CPQ: variants seen among roughly 807,000 people sequenced by gnomAD.
The protein encoded by CPQ is carboxypeptidase Q.
CPQ carries 37 observed loss-of-function variants against 45.7 expected under a neutral mutation model. The observed-to-expected ratio is 0.81, with a 90% CI of 0.62 to 1.07. The LOEUF (loss-of-function observed/expected upper bound fraction) is 1.07. Ranked by LOEUF, CPQ falls within the 50% of genes least tolerant of loss-of-function variation. The probability of loss-of-function intolerance (pLI) is 0.00; values close to 1 mark genes in which losing one functional copy is unlikely to be tolerated. For missense variants in CPQ, 537 were observed against 572.9 expected (o/e 0.94, Z 0.64); for synonymous variants, 186 against 205.8 (o/e 0.90, Z 0.82).
In CPQ at chr8:97,123,182, A is replaced by T. The variant is rs866110105; in HGVS notation, c.1256-19838A>T. On this transcript the variant is annotated intron_variant, in intron 7 of 7. Transcript: ENST00000220763. ...TAAAATAAAATAAAATAAAATATAA[A>T]ATAAAATAAAATAAAATAAAATAAA... Among the ~76,000 whole-genome samples, 357 of 120,752 alleles carry T rather than the reference A, an allele frequency of 3.0e-3. 25 individuals are homozygous for T. The highest frequency in any genetic ancestry group is 0.011 in the African/African-American group (330 of 29,898). The allele number at this position is 120,752 out of a possible 152,430, so 79.2% of individuals were successfully genotyped here.
intron 7 of CPQ, among the ~76,000 whole-genome samples, chr8:97,126,717 TTAAA>T (rs1226586904): frequency 6.6e-6 from 1 of 152,098 alleles, no homozygotes; most frequent in Non-Finnish European, 1.5e-5. Context: ...TTAAGCAGAC[TTAAA>T]TAAATGAAAG....
intron 4 of CPQ, among the ~76,000 whole-genome samples, chr8:96,892,525 G>T (rs888244145): frequency 6.6e-6 from 1 of 152,088 alleles, no homozygotes; most frequent in Admixed American, 6.5e-5. Flanking sequence ...AGTTTCAGGG[G>T]GGTGGGGTTA....
intron 7 of CPQ, among the ~76,000 whole-genome samples, chr8:97,072,739 C>T (rs1462884383): frequency 6.6e-6 from 1 of 152,162 alleles, no homozygotes; most frequent in East Asian, 1.9e-4. Context: ...CATGATGCAG[C>T]TCCTTGTTCT....
chr8:96,682,068 G>A (rs1421799277), intron 1 of CPQ, among the ~76,000 whole-genome samples: 1 of 152,178 alleles, frequency 6.6e-6, no homozygotes, highest in Non-Finnish European at 1.5e-5. Flanking sequence ...TTGGACTATG[G>A]AATTTTGGGT....
intron 4 of CPQ, among the ~76,000 whole-genome samples, chr8:96,923,040 C>G (rs1238561417): frequency 6.6e-6 from 1 of 152,136 alleles, no homozygotes; most frequent in East Asian, 1.9e-4. Flanking sequence ...AACATTGACC[C>G]ATCCCCTCAG....
At chr8:96,945,603 C>T (rs775997111) in intron 4 of CPQ, among the ~76,000 whole-genome samples, 3 of 151,926 alleles carry the variant, frequency 2.0e-5, no homozygotes, top group African/African-American at 4.8e-5. Flanking sequence ...TGCCTAGGAG[C>T]GTGGTTATTT....
rs1255172219 is a variant in CPQ, at chr8:96,766,160, TG to T, written c.-34-18703del. ...ACATTTACTGGTTGCTTTTGAGGATTGAATCAGATGAGATATAGAAAAGCCC... is the reference window on the plus strand; with the variant it reads ...ACATTTACTGGTTGCTTTTGAGGATTAATCAGATGAGATATAGAAAAGCCC... On this transcript the variant is annotated intron_variant, in intron 1 of 7. Transcript: ENST00000220763. Among the ~76,000 whole-genome samples, 23 of 152,318 alleles carry T rather than the reference TG, an allele frequency of 1.5e-4. No individual in the cohort carries two copies. In the East Asian group the frequency reaches 4.4e-3, roughly 29 times the overall value.
intron 4 of CPQ, among the ~76,000 whole-genome samples, chr8:96,965,367 CT>C (rs1376147075): frequency 2.6e-5 from 3 of 117,592 alleles, no homozygotes; most frequent in Non-Finnish European, 5.0e-5. Context: ...AAGCCAATTT[CT>C]TTTCTTTTTT....
intron 1 of CPQ, among the ~76,000 whole-genome samples, chr8:96,712,541 C>T (rs922882284): frequency 5.9e-5 from 9 of 152,302 alleles, no homozygotes; most frequent in African/African-American, 1.4e-4. Context: ...TCTGTGCACC[C>T]GCAGGCCCAA....
chr8:96,908,573 T>C (rs1812611860), intron 4 of CPQ, among the ~76,000 whole-genome samples: 2 of 152,048 alleles, frequency 1.3e-5, no homozygotes, highest in South Asian at 2.1e-4. Flanking sequence ...GAAGGCACAT[T>C]TGAGGGTTGG....
intron 7 of CPQ, among the ~76,000 whole-genome samples, chr8:97,122,961 TAAAATAAAATA>T (rs1811746505): frequency 1.7e-5 from 1 of 59,478 alleles, no homozygotes; most frequent in Non-Finnish European, 2.7e-5. Context: ...TAAAATAAAA[TAAAATAAAATA>T]AAATAAAATT....
Position 97,039,644 on chromosome 8 carries a change from C to T in CPQ, c.1053+10150C>T, listed in dbSNP as rs367850432. On this transcript the variant is annotated intron_variant, in intron 6 of 7. Coordinates refer to ENST00000220763, the MANE Select transcript of CPQ (RefSeq NM_016134.4). ...GCTATCCCTCCCCACTCCCCCCACC[C>T]CACAACAGTCCCCAGAGTGTGATGT... Among the ~76,000 whole-genome samples the T allele has an allele frequency of 2.6e-5, 4 of 151,950 alleles. No individual in the cohort carries two copies. In the East Asian group the frequency reaches 7.8e-4, roughly 30 times the overall value.
chr8:97,110,700 C>T (rs1811486467), intron 7 of CPQ, among the ~76,000 whole-genome samples: 1 of 152,094 alleles, frequency 6.6e-6, no homozygotes, highest in South Asian at 2.1e-4. Flanking sequence ...ATCTCATCTC[C>T]CCTCCACTTG....
At chr8:96,723,042 G>A (rs1322877569) in intron 1 of CPQ, among the ~76,000 whole-genome samples, 1 of 152,096 alleles carries the variant, frequency 6.6e-6, no homozygotes, top group African/African-American at 2.4e-5. Flanking sequence ...TTAAATGCTT[G>A]TTTTTTGGGG....
rs1361170949 is a variant in CPQ, at chr8:97,076,030, G to GT, written c.1255+9826dup. Among the ~76,000 whole-genome samples, 3 of 151,842 alleles carry GT rather than the reference G, an allele frequency of 2.0e-5. No individual in the cohort carries two copies. In the East Asian group the frequency reaches 5.8e-4, roughly 29 times the overall value. The stretch of plus-strand genomic sequence containing the variant: ...TTTTGTTTTTGTTGTTTGTTTGTTT[G>GT]TTTTTTGTTTTTTGAGATGGAATCT... On this transcript the variant is annotated intron_variant, in intron 7 of 7. Coordinates refer to ENST00000220763, the MANE Select transcript of CPQ (RefSeq NM_016134.4).
At chr8:96,658,891 G>A (rs150726402) in intron 1 of CPQ, among the ~76,000 whole-genome samples, 73 of 152,306 alleles carry the variant, frequency 4.8e-4, no homozygotes, top group African/African-American at 1.6e-3. Flanking sequence ...CAGTCCTGCC[G>A]ATACCTTGCT....
At chr8:97,056,598 C>G (rs1186610878) in intron 6 of CPQ, 2 of 152,240 alleles carry the variant, frequency 1.3e-5, no homozygotes, top group African/African-American at 4.8e-5. Flanking sequence ...TTTGCTAATG[C>G]CTACAAAAAT....
In CPQ at chr8:96,785,038, T is replaced by C. The variant is rs1810745096; in HGVS notation, c.141T>C (p.Ala47=). Residue 47 remains alanine (A), a synonymous_variant, in exon 2 of 8, where the codon GCT becomes GCC. Coordinates refer to ENST00000220763, the MANE Select transcript of CPQ (RefSeq NM_016134.4). The stretch of plus-strand genomic sequence containing the variant: ...AAATAGCCAGCTGTGGAGATGTTGC[T>C]AAAGCAATCATCAACCTAGCTGTTT... ...KEEIASCGDV[A]KAIINLAVYG... 3 of 1,613,878 alleles carry C rather than the reference T, an allele frequency of 1.9e-6. No homozygotes were observed. The highest frequency in any genetic ancestry group is 2.5e-6 in the Non-Finnish European group (3 of 1,179,856).
At chr8:96,991,111 T>C (rs555256494) in intron 5 of CPQ, among the ~76,000 whole-genome samples, 39 of 152,240 alleles carry the variant, frequency 2.6e-4, no homozygotes, top group Admixed American at 1.7e-3. Flanking sequence ...ATCCAGGCAA[T>C]GTAGCAAAGT....
Sources: allele counts gnomAD v4.1 joint callset (sites outside exome capture counted in the v4.1 genomes callset), GRCh38; gene constraint gnomAD v4.1.1; transcripts MANE v1.5; gene names NCBI Gene and HGNC (gene_info 2026-07-23, HGNC 2026-07-21).